Variants in CCDC126 observed in about 807,000 individuals in gnomAD.
CCDC126 encodes coiled-coil domain containing 126, also known as coiled-coil domain-containing protein 126.
A neutral mutation model predicts 11.7 loss-of-function variants in CCDC126; 5 were observed. The ratio of observed to expected loss-of-function variants is 0.43; its 90% CI spans 0.22 to 0.90. The LOEUF (loss-of-function observed/expected upper bound fraction) is 0.90, where lower values mean the gene tolerates loss of function less well. Ranked by LOEUF, CCDC126 falls within the 40% of genes least tolerant of loss-of-function variation. CCDC126 has a pLI of 0.27. For synonymous variants in CCDC126, 60 were observed against 61.9 expected, an observed-to-expected ratio of 0.97 and a Z score of 0.14; for missense variants, 150 against 163.1, an observed-to-expected ratio of 0.92 and a Z score of 0.44.
rs1189553750 is a variant in CCDC126 at position 23,644,151 on chromosome 7, A to G, written c.*1036A>G. 2 of 152,082 alleles carry G rather than the reference A, an allele frequency of 1.3e-5. No individual in the cohort carries two copies. The highest frequency in any genetic ancestry group is 2.9e-5 in the Non-Finnish European group (2 of 67,944). The allele number at this position is 152,082 out of a possible 1,614,324, so 9.4% of individuals were successfully genotyped here. On this transcript the variant is annotated 3_prime_UTR_variant, in exon 4 of 4. Coordinates refer to ENST00000307471, the MANE Select transcript of CCDC126 (RefSeq NM_138771.4). ...ATCCTTTATGAAATTTTGAATTTGT[A>G]TAACAGATGCATTAGATATTCATTT...
At position 23,643,901 on chromosome 7, in the gene CCDC126, A is replaced by T. The variant is rs912779782; in HGVS notation, c.*786A>T. 1 of 152,142 alleles carries T rather than the reference A, an allele frequency of 6.6e-6. No homozygotes were observed. The highest frequency in any genetic ancestry group is 2.4e-5 in the African/African-American group (1 of 41,452). The allele number at this position is 152,142 out of a possible 1,614,324, so 9.4% of individuals were successfully genotyped here. ...CAATAAAGTATTCATGATTTTTCAC[A>T]TACATGAATGTTCATTTAAAAGTTT... is the stretch of plus-strand genomic sequence containing the variant. On this transcript the variant is annotated 3_prime_UTR_variant, in exon 4 of 4. Coordinates refer to ENST00000307471, the MANE Select transcript of CCDC126 (RefSeq NM_138771.4).
intron 3 of CCDC126, chr7:23,622,438 A>C (rs183186576): frequency 2.7e-6 from 1 of 370,882 alleles, no homozygotes; most frequent in African/African-American, 2.1e-5. Flanking sequence ...CTCCTTTATC[A>C]TTTTTTATTG....
chr7:23,629,172 A>G (rs776344352), intron 3 of CCDC126, among the ~76,000 whole-genome samples: 7 of 152,224 alleles, frequency 4.6e-5, no homozygotes, highest in Non-Finnish European at 8.8e-5. Context: ...TCCAAAATTC[A>G]TATGTTGAAA....
At chr7:23,635,914 G>C (rs955894255) in intron 3 of CCDC126, among the ~76,000 whole-genome samples, 16 of 151,998 alleles carry the variant, frequency 1.1e-4, no homozygotes, top group East Asian at 1.9e-4. Context: ...CTCCTTCCAC[G>C]GTCTCCCTCT....
chr7:23,610,830 T>C (rs1377727375), intron 2 of CCDC126, among the ~76,000 whole-genome samples: 1 of 152,152 alleles, frequency 6.6e-6, no homozygotes, highest in Non-Finnish European at 1.5e-5. Flanking sequence ...TTTAGGCATT[T>C]AGGTTGGTGA....
intron 3 of CCDC126, among the ~76,000 whole-genome samples, chr7:23,615,020 G>A (rs1239339123): frequency 6.6e-6 from 1 of 152,174 alleles, no homozygotes; most frequent in Admixed American, 6.5e-5. Context: ...AAGAAAGTCA[G>A]CCTGTCATTT....
At chr7:23,638,185 C>T (rs947798507) in intron 3 of CCDC126, among the ~76,000 whole-genome samples, 1 of 151,930 alleles carries the variant, frequency 6.6e-6, no homozygotes, top group Non-Finnish European at 1.5e-5. Flanking sequence ...AGGAGCCCCT[C>T]TGCCCGGCCA....
intron 3 of CCDC126, chr7:23,619,407 A>G: frequency 2.4e-6 from 1 of 420,722 alleles, no homozygotes; most frequent in East Asian, 6.8e-5. Flanking sequence ...AGAGGCTTAA[A>G]GAAAAGGATA....
intron 2 of CCDC126, among the ~76,000 whole-genome samples, chr7:23,609,848 C>T (rs746112135): frequency 4.6e-5 from 7 of 152,044 alleles, no homozygotes; most frequent in East Asian, 1.9e-4. Flanking sequence ...AGTGACAGAG[C>T]GAGACCCTGT....
At chr7:23,598,465 G>T (rs1052094464) in intron 2 of CCDC126, 1 of 152,224 alleles carries the variant, frequency 6.6e-6, no homozygotes, top group African/African-American at 2.4e-5. Flanking sequence ...TAAGATGGCT[G>T]AGAATGTTCT....
chr7:23,611,925 C>T (rs1782718703), intron 3 of CCDC126, among the ~76,000 whole-genome samples: 1 of 152,028 alleles, frequency 6.6e-6, no homozygotes. Flanking sequence ...GGATGGATCA[C>T]GAGGTCAGGA....
At chr7:23,609,726 G>A (rs1196809872) in intron 2 of CCDC126, among the ~76,000 whole-genome samples, 2 of 152,290 alleles carry the variant, frequency 1.3e-5, no homozygotes, top group Admixed American at 6.5e-5. Context: ...GCCAGGTGTG[G>A]TGGTGCATGC....
At chr7:23,614,894 A>AT (rs1211572518) in intron 3 of CCDC126, among the ~76,000 whole-genome samples, 1 of 152,194 alleles carries the variant, frequency 6.6e-6, no homozygotes, top group African/African-American at 2.4e-5. Flanking sequence ...TTCTTGTTCC[A>AT]TTTATAGAGC....
intron 3 of CCDC126, among the ~76,000 whole-genome samples, chr7:23,622,029 G>C (rs931608172): frequency 9.9e-5 from 15 of 152,114 alleles, no homozygotes; most frequent in Non-Finnish European, 2.1e-4. Context: ...CAGGGATATT[G>C]GTCTAAAATT....
intron 3 of CCDC126, among the ~76,000 whole-genome samples, chr7:23,627,408 G>A (rs944374034): frequency 6.6e-6 from 1 of 151,744 alleles, no homozygotes; most frequent in Admixed American, 6.6e-5. Flanking sequence ...AGGAGGCCCA[G>A]GTGGGTGGAT....
In CCDC126 at chr7:23,623,473, A is replaced by G. The variant is rs1300834144; in HGVS notation, c.238+11920A>G. 3.9e-5 allele frequency among the ~76,000 whole-genome samples: 6 copies of G among 151,972 alleles called. No homozygotes were observed. In the East Asian group the frequency reaches 1.2e-3, roughly 30 times the overall value. ...TGGCCAGGTGTGGCGTTGCTTGCCT[A>G]TAGTCCCTGCTGCTGTGGAGGCTGA... On this transcript the variant is annotated intron_variant, in intron 3 of 3. Coordinates refer to ENST00000307471, the MANE Select transcript of CCDC126 (RefSeq NM_138771.4).
intron 3 of CCDC126, among the ~76,000 whole-genome samples, chr7:23,637,252 T>G (rs1370934030): frequency 1.5e-3 from 6 of 4,016 alleles, no homozygotes; most frequent in Admixed American, 3.1e-3. Context: ...GGGAGGGAGG[T>G]GGGGGGGGTC....
intron 3 of CCDC126, among the ~76,000 whole-genome samples, chr7:23,634,848 C>G (rs1419175130): frequency 6.6e-6 from 1 of 152,186 alleles, no homozygotes; most frequent in African/African-American, 2.4e-5. Flanking sequence ...TGACCTTGGA[C>G]TTGGCCTCTG....
rs143275586 is a variant in CCDC126 at position 23,597,449 on chromosome 7, C to A, written c.-387C>A. 1,690 of 152,362 alleles carry A rather than the reference C, an allele frequency of 0.011. 16 individuals are homozygous for A. The highest frequency in any genetic ancestry group is 0.031 in the Middle Eastern group (9 of 294). The allele number at this position is 152,362 out of a possible 1,614,324, so 9.4% of individuals were successfully genotyped here. On this transcript the variant is annotated 5_prime_UTR_variant, in exon 1 of 4. Transcript: ENST00000307471. ...ATCTCCACAAGCTGGGAACAAACCT[C>A]GTCCCAACTCCCACCCACCGGCGTT...
Sources: allele counts gnomAD v4.1 joint callset (sites outside exome capture counted in the v4.1 genomes callset), GRCh38; gene constraint gnomAD v4.1.1; transcripts MANE v1.5; gene names NCBI Gene and HGNC (gene_info 2026-07-23, HGNC 2026-07-21).